The following SLC6A8 variants were observed in gnomAD, a reference collection of about 807,000 sequenced individuals.
The protein encoded by SLC6A8 is sodium- and chloride-dependent creatine transporter 1.
In SLC6A8, 6 loss-of-function variants were observed where a neutral mutation model predicts 48.3. The observed-to-expected ratio is 0.12, with a 90% CI of 0.07 to 0.25. The LOEUF is 0.25. Among genes scored for constraint, SLC6A8 ranks in the 10% least tolerant of loss-of-function variants. The pLI is 1.00. For synonymous variants in SLC6A8, 245 were observed against 244.0 expected, an observed-to-expected ratio of 1.00 and a Z score of -0.04; for missense variants, 260 against 551.5, an observed-to-expected ratio of 0.47 and a Z score of 5.29.
intron 3 of SLC6A8, among the ~76,000 whole-genome samples, 189 bp from the exon 4 acceptor site, chrX:153,691,786 G>A (rs2091457592): frequency 1.8e-5 from 2 of 113,113 alleles, no homozygotes; most frequent in Admixed American, 9.2e-5. Flanking sequence ...GGGGCTGCAT[G>A]TGAGGTGGGA....
chrX:153,693,082 C>T lies in SLC6A8; in HGVS notation c.819C>T (p.Val273=), dbSNP rs143750068. Residue 273 remains valine, a synonymous_variant, in exon 5 of 13, where the codon GTC becomes GTT. Transcript: ENST00000253122. ...CTACATTCCCCTACGTGGTCCTGGT[C>T]GTGCTGCTGGTGCGTGGAGTGCTGC... ...FTATFPYVVL[V]VLLVRGVLLP... 77 of 1,209,457 alleles carry T rather than the reference C, an allele frequency of 6.4e-5. No individual in the cohort carries two copies. In the African/African-American group the frequency reaches 7.0e-4, roughly 11 times the overall value.
In SLC6A8 at chrX:153,694,341, C is replaced by T; in HGVS notation, c.1393-3C>T. 5.0e-6 allele frequency: 6 copies of T among 1,210,652 alleles called. No homozygotes were observed. The highest frequency in any genetic ancestry group is 5.6e-6 in the Non-Finnish European group (5 of 894,496). On this transcript the variant is annotated splice_polypyrimidine_tract_variant and splice_region_variant and intron_variant, in intron 9 of 12. Transcript: ENST00000253122. ...TCCTCCCTGACTGGGCTCTGTCCCC[C>T]AGGGCGGGATGTACGTCTTCCAGCT...
chrX:153,693,385 C>T lies in SLC6A8; in HGVS notation c.1016+19C>T. On this transcript the variant is annotated intron_variant, in intron 6 of 12. Coordinates refer to ENST00000253122, the MANE Select transcript of SLC6A8 (RefSeq NM_005629.4). Reference sequence around the variant, plus strand: ...GCTACAAGTAAGCACCGCCGCCCTGCCACCCGTGCCCTGTCCTGCCCTGCC... The same window carrying T: ...GCTACAAGTAAGCACCGCCGCCCTGTCACCCGTGCCCTGTCCTGCCCTGCC... 8.3e-7 allele frequency: 1 copy of T among 1,202,173 alleles called. No individual in the cohort carries two copies. Among genetic ancestry groups the T allele is most frequent in the Non-Finnish European group, 1.1e-6 (1 of 886,851 alleles).
intron 2 of SLC6A8, 35 bp from the exon 3 acceptor site, chrX:153,691,269 G>T: frequency 8.5e-7 from 1 of 1,170,489 alleles, no homozygotes; most frequent in East Asian, 3.2e-5. Context: ...GGTGGCCAGG[G>T]AAGAATCTAC....
intron 4 of SLC6A8, chrX:153,692,452 T>C (rs1490868034): frequency 2.6e-5 from 9 of 352,907 alleles, no homozygotes; most frequent in Non-Finnish European, 4.3e-5. Flanking sequence ...GCCACATCCC[T>C]TGGGGGCTCC....
Position 153,690,275 on chromosome X carries a change from C to T in SLC6A8, c.263-100C>T, listed in dbSNP as rs2091448068. The T allele has an allele frequency of 1.4e-5, 13 of 935,038 alleles. No homozygotes were observed. The South Asian group carries it at 1.5e-4, about 11-fold the overall frequency. 77.1% of individuals were successfully genotyped at this position (935,038 alleles called of 1,213,427 possible). ...CCACCCCTACACTGACTCACCCAGT[C>T]GGAAGTTGTGATGGGGCCTTTGGAG... On this transcript the variant is annotated intron_variant, in intron 1 of 12. Transcript: ENST00000253122.
At chrX:153,689,737 C>T (rs1185493638) in intron 1 of SLC6A8, 1 of 123,048 alleles carries the variant, frequency 8.1e-6, no homozygotes, top group African/African-American at 3.2e-5. Flanking sequence ...AGCCTGCTGG[C>T]CTCAGGAGAT....
In SLC6A8 at chrX:153,695,293, GCCTGCCTTTC is replaced by G; in HGVS notation, c.*84_*93del. On this transcript the variant is annotated 3_prime_UTR_variant, in exon 13 of 13. Coordinates refer to ENST00000253122, the MANE Select transcript of SLC6A8 (RefSeq NM_005629.4). ...CAGCCCCACCGCACCCCTCCAGGGG[GCCTGCCTTTC>G]CCTGACACTTTTGGGGTCTGCCTGG... 2 of 1,049,637 alleles carry G rather than the reference GCCTGCCTTTC, an allele frequency of 1.9e-6. No individual in the cohort carries two copies. The highest frequency in any genetic ancestry group is 5.2e-5 in the Admixed American group (2 of 38,707). 86.5% of individuals were successfully genotyped at this position (1,049,637 alleles called of 1,213,427 possible).
chrX:153,694,510 C>G (rs782146315), intron 10 of SLC6A8, 23 bp from the exon 11 acceptor site: 1 of 1,198,779 alleles, frequency 8.3e-7, no homozygotes, highest in Non-Finnish European at 1.1e-6. Flanking sequence ...CCAGCTTGGC[C>G]CTCCCGCCTC....
chrX:153,688,899 C>T (rs1339656791), intron 1 of SLC6A8, 63 bp downstream of exon 1: 13 of 752,673 alleles, frequency 1.7e-5, no homozygotes, highest in Non-Finnish European at 2.3e-5. Flanking sequence ...GCCCGACCCC[C>T]GGAGCCGCCG....
rs1557045154 is a variant in SLC6A8, at chrX:153,693,534, G to A, written c.1089G>A (p.Leu363=). The change falls in exon 7 of 13, where the codon CTG becomes CTA. Residue 363 remains leucine, a synonymous_variant. Coordinates refer to ENST00000253122, the MANE Select transcript of SLC6A8 (RefSeq NM_005629.4). The part of the protein sequence containing the change: ...FFAGFVVFSI[L]GFMAAEQGVH... ...CTGGCTTCGTGGTCTTCTCCATCCT[G>A]GGCTTCATGGCTGCAGAGCAGGGCG... The A allele has an allele frequency of 8.3e-7, 1 of 1,210,865 alleles. No individual in the cohort carries two copies. Among genetic ancestry groups the A allele is most frequent in the Admixed American group, 2.2e-5 (1 of 46,094 alleles).
chrX:153,688,811 C>T lies in SLC6A8; in HGVS notation c.237C>T (p.Pro79=). Reference sequence around the variant, plus strand: ...GCTTGGGCAACGTGTGGCGCTTCCCCTACCTGTGCTACAAGAACGGCGGAG... The same window carrying T: ...GCTTGGGCAACGTGTGGCGCTTCCCTTACCTGTGCTACAAGAACGGCGGAG... The part of the protein sequence containing the change: ...AVGLGNVWRF[P]YLCYKNGGGV... Residue 79 remains proline, a synonymous_variant, in exon 1 of 13, where the codon CCC becomes CCT. Transcript: ENST00000253122. 2.6e-6 allele frequency: 3 copies of T among 1,133,850 alleles called. No homozygotes were observed. Among genetic ancestry groups the T allele is most frequent in the Non-Finnish European group, 3.5e-6 (3 of 853,586 alleles). 93.4% of individuals were successfully genotyped at this position (1,133,850 alleles called of 1,213,427 possible). A position where few individuals can be genotyped will look rare whatever the true frequency, so the allele number is the denominator to read the frequency against.
intron 3 of SLC6A8, 95 bp downstream of exon 3, chrX:153,691,648 G>T: frequency 1.9e-6 from 2 of 1,057,676 alleles, no homozygotes; most frequent in Non-Finnish European, 2.6e-6. Context: ...GGGCACCAGG[G>T]TGTTGCCTGG....
intron 4 of SLC6A8, 48 bp from the exon 5 acceptor site, chrX:153,692,993 G>T: frequency 8.3e-7 from 1 of 1,206,433 alleles, no homozygotes. Flanking sequence ...GAGTGGGGGT[G>T]TGAGGGAGGT....
In SLC6A8 at chrX:153,695,375, TC is replaced by T; in HGVS notation, c.*163del. 5.7e-6 allele frequency: 3 copies of T among 524,877 alleles called. No homozygotes were observed. The highest frequency in any genetic ancestry group is 9.6e-6 in the Non-Finnish European group (3 of 312,313). The allele number at this position is 524,877 out of a possible 1,213,427, so 43.3% of individuals were successfully genotyped here. Reference sequence around the variant, plus strand: ...ATGAGTGCTCACTAAAACAACTTTTTCCATTTTTAATAAAACGCCAAAAATA... The same window carrying T: ...ATGAGTGCTCACTAAAACAACTTTTTCATTTTTAATAAAACGCCAAAAATA... On this transcript the variant is annotated 3_prime_UTR_variant, in exon 13 of 13. Transcript: ENST00000253122.
Position 153,694,579 on chromosome X carries a change from A to G in SLC6A8, c.1542A>G (p.Arg514=), listed in dbSNP as rs1557045561. The G allele has an allele frequency of 2.5e-6, 3 of 1,191,742 alleles. No homozygotes were observed. The highest frequency in any genetic ancestry group is 6.2e-5 in the East Asian group (2 of 32,358). Residue 514 remains arginine (R), a synonymous_variant, in exon 11 of 13, where the codon CGA becomes CGG. Coordinates refer to ENST00000253122, the MANE Select transcript of SLC6A8 (RefSeq NM_005629.4). ...MDDIACMIGY[R]PCPWMKWCWS... ...ACATTGCCTGTATGATCGGGTACCG[A>G]CCTTGCCCCTGGATGAAATGGTGCT...
In SLC6A8 at chrX:153,693,070, C is replaced by T. The variant is rs141219551; in HGVS notation, c.807C>T (p.Tyr269=). ...TGTACTTCACTGCTACATTCCCCTA[C>T]GTGGTCCTGGTCGTGCTGCTGGTGC... ...KIVYFTATFP[Y]VVLVVLLVRG... The change falls in exon 5 of 13, where the codon TAC becomes TAT. Residue 269 remains tyrosine (Y), a synonymous_variant. Transcript: ENST00000253122. 3.1e-5 allele frequency: 38 copies of T among 1,209,878 alleles called. No individual in the cohort carries two copies. The African/African-American group carries it at 4.3e-4, about 14-fold the overall frequency.
Position 153,696,242 on chromosome X carries a change from G to C in SLC6A8, c.*1028G>C. On this transcript the variant is annotated 3_prime_UTR_variant, in exon 13 of 13. Coordinates refer to ENST00000253122, the MANE Select transcript of SLC6A8 (RefSeq NM_005629.4). ...TTTGCCACAAGTCTGTGGGGCAAGA[G>C]GCTGCAATATTCCGTCCTGGGTGTC... is the stretch of plus-strand genomic sequence containing the variant. The C allele has an allele frequency of 1.1e-5, 3 of 284,109 alleles. No homozygotes were observed. The Admixed American group carries it at 1.1e-4, about 10-fold the overall frequency. 23.4% of individuals were successfully genotyped at this position (284,109 alleles called of 1,213,427 possible). A position where few individuals can be genotyped will look rare whatever the true frequency, so the allele number is the denominator to read the frequency against.
At position 153,693,466 on chromosome X, in the gene SLC6A8, G is replaced by A. The variant is rs782741852; in HGVS notation, c.1021G>A (p.Ala341Thr). The change falls in exon 7 of 13, where the codon GCC becomes ACC. Residue 341 changes from alanine (A) to threonine (T), a missense_variant. Coordinates refer to ENST00000253122, the MANE Select transcript of SLC6A8 (RefSeq NM_005629.4). Reference protein sequence around the residue: ...NRFNNNCYKDAIILALINSGT... With the variant: ...NRFNNNCYKDTIILALINSGT... ...TCTGGCCCCTCCACCCCTCAGGGAC[G>A]CCATCATCCTGGCTCTCATCAACAG... 8.3e-6 allele frequency: 10 copies of A among 1,209,164 alleles called. No homozygotes were observed. The highest frequency in any genetic ancestry group is 4.4e-5 in the Admixed American group (2 of 45,746).
Sources: allele counts gnomAD v4.1 joint callset (sites outside exome capture counted in the v4.1 genomes callset), GRCh38; gene constraint gnomAD v4.1.1; transcripts MANE v1.5; gene names NCBI Gene and HGNC (gene_info 2026-07-23, HGNC 2026-07-21).